Variants in TNS1 observed in about 807,000 individuals in gnomAD.
TNS1 encodes the protein tensin-1.
In TNS1, 62 loss-of-function variants were observed where a neutral mutation model predicts 168.6. The observed-to-expected ratio is 0.37, with a 90% CI of 0.30 to 0.45. TNS1 has a LOEUF of 0.45. Among genes scored for constraint, TNS1 ranks in the 20% least tolerant of loss-of-function variants. TNS1 has a pLI of 1.00. For missense variants in TNS1, 2,240 were observed against 2,339.4 expected (o/e 0.96, Z 0.88); for synonymous variants, 934 against 933.2 (o/e 1.00, Z -0.02).
At chr2:217,915,913 G>A (rs145870998) in intron 4 of TNS1, among the ~76,000 whole-genome samples, 143 of 152,310 alleles carry the variant, frequency 9.4e-4, no homozygotes, top group Middle Eastern at 3.4e-3. Context: ...CTTTGAAAAC[G>A]GCAAGTGCTA....
At chr2:217,945,250 G>A (rs1478929711) in intron 3 of TNS1, among the ~76,000 whole-genome samples, 3 of 152,148 alleles carry the variant, frequency 2.0e-5, no homozygotes, top group South Asian at 2.1e-4. Context: ...GAACTTTTCC[G>A]GTCTTAACAC....
chr2:217,868,537 G>C (rs1371228026), intron 18 of TNS1, among the ~76,000 whole-genome samples: 3 of 152,236 alleles, frequency 2.0e-5, no homozygotes, highest in African/African-American at 7.2e-5. Flanking sequence ...TGCTACCCAA[G>C]GTCAGGTAGT....
intron 1 of TNS1, among the ~76,000 whole-genome samples, chr2:218,025,580 T>C (rs980540736): frequency 1.4e-5 from 2 of 143,514 alleles, no homozygotes; most frequent in Non-Finnish European, 3.0e-5. Context: ...TCCATTGCTG[T>C]GTTTGCTGAG....
At chr2:217,891,522 A>AAAGG (rs1031716254) in intron 11 of TNS1, among the ~76,000 whole-genome samples, 4 of 152,340 alleles carry the variant, frequency 2.6e-5, no homozygotes, top group Non-Finnish European at 4.4e-5. Flanking sequence ...ATCATTAAGC[A>AAAGG]AAGGTGAGAC....
intron 3 of TNS1, among the ~76,000 whole-genome samples, 179 bp from the exon 4 acceptor site, chr2:217,920,415 C>A (rs1242798147): frequency 6.6e-6 from 1 of 152,140 alleles, no homozygotes; most frequent in Non-Finnish European, 1.5e-5. Context: ...CCAGCAATAA[C>A]GCCTGGGAAA....
In TNS1 at chr2:217,812,424, T is replaced by C. The variant is rs1170303094; in HGVS notation, c.4976A>G (p.Tyr1659Cys). Residue 1659 changes from tyrosine to cysteine, a missense_variant, in exon 28 of 33, where the codon TAC (tyrosine) becomes TGC (cysteine). By Grantham distance (194) the Tyr-to-Cys change is radical (BLOSUM62 -2). Transcript: ENST00000682258. ...GGCCAATGGGATGATGGAGTGCTGG[T>C]AGACCAGGGCAGACAGCGATCCTGT... ...PNFGSLSALV[Y>C]QHSIIPLALP... is the part of the protein sequence containing the mutation. 1.9e-6 allele frequency: 3 copies of C among 1,614,052 alleles called. No individual in the cohort carries two copies. The highest frequency in any genetic ancestry group is 1.7e-6 in the Non-Finnish European group (2 of 1,180,022).
In TNS1 at chr2:218,031,030, G is replaced by C. The variant is rs539511976; in HGVS notation, c.156+2790C>G. On this transcript the variant is annotated intron_variant, in intron 1 of 1. Transcript: ENST00000649572. ...TGTGGGAGTGTATGTGTGTATGTGTGTGTATGTGAGTGAGCATGTGAGCAT... is the reference window on the plus strand; with the variant it reads ...TGTGGGAGTGTATGTGTGTATGTGTCTGTATGTGAGTGAGCATGTGAGCAT... Among the ~76,000 whole-genome samples the C allele has an allele frequency of 2.3e-4, 35 of 151,520 alleles. 1 individual carries two copies. In the South Asian group the frequency reaches 7.4e-3, roughly 32 times the overall value.
At chr2:217,810,163 T>C (rs1940572002) in intron 29 of TNS1, 85 bp downstream of exon 29, 1 of 1,521,146 alleles carries the variant, frequency 6.6e-7, no homozygotes. Flanking sequence ...TGGAGAGACC[T>C]CCAGCCTGCA....
chr2:217,879,301 A>G (rs3791942), intron 18 of TNS1: 2 of 355,850 alleles, frequency 5.6e-6, no homozygotes, highest in East Asian at 1.9e-4. Context: ...ATTCTTTCCA[A>G]TTGCCAAATG....
At chr2:217,891,137 A>G (rs1016735699) in intron 11 of TNS1, 92 bp from the exon 12 acceptor site, 1 of 1,250,160 alleles carries the variant, frequency 8.0e-7, no homozygotes, top group African/African-American at 1.5e-5. Flanking sequence ...CCTGCAGAGC[A>G]CTCTGGCCAA....
At chr2:217,964,492 T>C (rs1423571820) in intron 3 of TNS1, among the ~76,000 whole-genome samples, 1 of 152,214 alleles carries the variant, frequency 6.6e-6, no homozygotes, top group African/African-American at 2.4e-5. Flanking sequence ...AGCGCACTGC[T>C]CAATCATCTG....
At chr2:217,865,206 T>C (rs1382510908) in intron 18 of TNS1, among the ~76,000 whole-genome samples, 3 of 152,206 alleles carry the variant, frequency 2.0e-5, no homozygotes, top group Non-Finnish European at 4.4e-5. Context: ...TGTGGTTACA[T>C]GCATGAGTAG....
chr2:217,855,920 G>A (rs1165506196), intron 18 of TNS1, among the ~76,000 whole-genome samples: 1 of 152,126 alleles, frequency 6.6e-6, no homozygotes. Context: ...TGAGCATGGT[G>A]GAGGTCCCTG....
At chr2:217,911,734 G>A (rs1293629254) in intron 4 of TNS1, among the ~76,000 whole-genome samples, 2 of 152,176 alleles carry the variant, frequency 1.3e-5, no homozygotes, top group Non-Finnish European at 1.5e-5. Context: ...GAGAGCTGCT[G>A]TTTGAACCTT....
In TNS1 at chr2:217,881,012, T is replaced by C. The variant is rs1280967003; in HGVS notation, c.1315A>G (p.Met439Val). 6 of 1,612,518 alleles carry C rather than the reference T, an allele frequency of 3.7e-6. No individual in the cohort carries two copies. The African/African-American group carries it at 6.7e-5, about 18-fold the overall frequency. ...CTCGGCCCGTTCTCCAGGTGCTCCA[T>C]GCCTAAGTGGGATGGGAAAGGCAGC... ...FSYGPEKIQG[M>V]EHLENGPSVS... Residue 439 changes from methionine to valine, a missense_variant and splice_region_variant, in exon 18 of 33, where the codon ATG becomes GTG. Met to Val is a conservative substitution (Grantham distance 21, BLOSUM62 1). This residue lies in a region of TNS1 where 2,131 missense variants were observed against 2,171.2 expected (regional missense o/e 0.98). Coordinates refer to ENST00000682258, the MANE Select transcript of TNS1 (RefSeq NM_001387777.1).
intron 23 of TNS1, among the ~76,000 whole-genome samples, chr2:217,820,775 C>G (rs909341106): frequency 1.8e-4 from 28 of 152,152 alleles, no homozygotes; most frequent in Non-Finnish European, 1.6e-4. Context: ...CCCCACTACC[C>G]CAGTCAAGCA....
chr2:218,031,201 TGTGAGTGTGTCTGTGTGTATGAGTGTGAG>T, intron 1 of TNS1, among the ~76,000 whole-genome samples: 1 of 149,464 alleles, frequency 6.7e-6, no homozygotes, highest in East Asian at 2.0e-4. Flanking sequence ...TCTGTATGTG[TGTGAGTGTGTCTGTGTGTATGAGTGTGAG>T]TGTGTGAGCA....
chr2:217,898,933 A>G (rs1405218038), intron 7 of TNS1, among the ~76,000 whole-genome samples: 1 of 152,086 alleles, frequency 6.6e-6, no homozygotes, highest in Non-Finnish European at 1.5e-5. Flanking sequence ...TTTTTCCCCA[A>G]TCATTGACCT....
At chr2:217,922,369 TC>T (rs1031474676) in intron 3 of TNS1, among the ~76,000 whole-genome samples, 5 of 152,068 alleles carry the variant, frequency 3.3e-5, no homozygotes, top group Admixed American at 2.0e-4. Context: ...TCACCATGGG[TC>T]CCTCAGTCCT....
Sources: gnomAD v4.1 joint callset for allele counts (sites outside exome capture counted in the v4.1 genomes callset) on GRCh38, gnomAD v4.1.1 for gene constraint, gnomAD v4.1.1 regional missense constraint, MANE v1.5 for transcripts, NCBI Gene and HGNC (gene_info 2026-07-23, HGNC 2026-07-21) for gene names.